PAICS: variants seen among roughly 807,000 people sequenced by gnomAD.
PAICS encodes phosphoribosylaminoimidazole carboxylase and phosphoribosylaminoimidazolesuccinocarboxamide synthase.
A neutral mutation model predicts 53.7 loss-of-function variants in PAICS; 33 were observed. The observed-to-expected ratio is 0.61, with a 90% confidence interval of 0.47 to 0.82. The LOEUF (loss-of-function observed/expected upper bound fraction) is 0.82. Among genes scored for constraint, PAICS ranks in the 40% least tolerant of loss-of-function variants. PAICS has a pLI of 0.00. For synonymous variants in PAICS, 141 were observed against 167.2 expected, an observed-to-expected ratio of 0.84 and a Z score of 1.21; for missense variants, 394 against 494.1, an observed-to-expected ratio of 0.80 and a Z score of 1.92.
chr4:56,446,870 C>T lies in PAICS; in HGVS notation c.390C>T (p.Phe130=). The T allele has an allele frequency of 6.3e-7, 1 of 1,590,932 alleles. No individual in the cohort carries two copies. The highest frequency in any genetic ancestry group is 1.3e-5 in the African/African-American group (1 of 74,420). ...KFYPPKVELF[F]KDDANNDPQW... is the part of the protein sequence containing the mutation. ...ACCCACCTAAAGTGGAGTTGTTTTT[C>T]AAGGTAATTATCTTATGCCTCTGTT... is the stretch of plus-strand genomic sequence containing the variant. Residue 130 remains phenylalanine, a synonymous_variant, in exon 3 of 9, where the codon TTC becomes TTT. Transcript: ENST00000512576.
At chr4:56,445,202 G>T (rs1718549305) in intron 2 of PAICS, among the ~76,000 whole-genome samples, 1 of 152,120 alleles carries the variant, frequency 6.6e-6, no homozygotes, top group Admixed American at 6.5e-5. Flanking sequence ...TGGACAGTGC[G>T]TTTCAAGTCC....
chr4:56,446,332 T>A (rs1560660001), intron 2 of PAICS: 1 of 717,626 alleles, frequency 1.4e-6, no homozygotes, highest in East Asian at 2.7e-5. Flanking sequence ...CCATTCTCTT[T>A]TCTGTCTGAA....
the PAICS span, chr4:56,419,762 A>G: frequency 1.0e-6 from 1 of 985,058 alleles, no homozygotes; most frequent in Non-Finnish European, 1.2e-6. Context: ...AACTAGAGGG[A>G]ACAGTGAGAA....
At chr4:56,458,994 G>GA (rs1367149667) in intron 8 of PAICS, among the ~76,000 whole-genome samples, 2 of 152,192 alleles carry the variant, frequency 1.3e-5, no homozygotes, top group Non-Finnish European at 2.9e-5. Flanking sequence ...GTTTGTCTAA[G>GA]AACAGGTACT....
upstream of PAICS, among the ~76,000 whole-genome samples, chr4:56,433,596 T>C (rs913858724): frequency 2.0e-5 from 3 of 151,818 alleles, no homozygotes; most frequent in African/African-American, 7.3e-5. Context: ...AAAGTAAATA[T>C]AGTGAAGTAC....
chr4:56,436,061 C>T (rs1435834344), upstream of PAICS: 1 of 1,501,448 alleles, frequency 6.7e-7, no homozygotes, highest in African/African-American at 1.4e-5. Flanking sequence ...GCGGGGCGGC[C>T]CGGAGGCGGG....
chr4:56,420,671 A>G, the PAICS span: 1 of 152,238 alleles, frequency 6.6e-6, no homozygotes, highest in African/African-American at 2.4e-5. Flanking sequence ...CAGAAGTTAA[A>G]GTAAATTTTC....
intron 2 of PAICS, among the ~76,000 whole-genome samples, chr4:56,443,668 A>G (rs1718449182): frequency 6.6e-6 from 1 of 152,100 alleles, no homozygotes; most frequent in Non-Finnish European, 1.5e-5. Flanking sequence ...CTGACTTTTT[A>G]TTTGCTTATT....
upstream of PAICS, chr4:56,435,485 C>A (rs1459849937): frequency 6.2e-7 from 1 of 1,613,302 alleles, no homozygotes. Context: ...CATGTCGCCG[C>A]CGAAAGCACG....
the PAICS span, among the ~76,000 whole-genome samples, chr4:56,429,175 G>C: frequency 6.6e-6 from 1 of 152,190 alleles, no homozygotes; most frequent in Admixed American, 6.5e-5. Flanking sequence ...ATAGCTCACT[G>C]AGTGAAAGTT....
chr4:56,428,441 G>C, the PAICS span, among the ~76,000 whole-genome samples: 2 of 152,072 alleles, frequency 1.3e-5, no homozygotes, highest in African/African-American at 4.8e-5. Context: ...AATGCAGTTT[G>C]GGATAGACAG....
chr4:56,442,017 A>C (rs1490921236), intron 2 of PAICS, 157 bp downstream of exon 2: 8 of 557,922 alleles, frequency 1.4e-5, no homozygotes. Context: ...CTTCACTATA[A>C]CACCTTATTT....
At chr4:56,413,070 T>C in the PAICS span, among the ~76,000 whole-genome samples, 1 of 152,228 alleles carries the variant, frequency 6.6e-6, no homozygotes, top group Admixed American at 6.5e-5. Context: ...TTTAGTATTA[T>C]TACTTTAAGA....
Position 56,453,460 on chromosome 4 carries a change from A to G in PAICS, c.953-143A>G, listed in dbSNP as rs1578158624. The stretch of plus-strand genomic sequence containing the variant: ...TTTTGAATATATGTGTAATAATAGT[A>G]TCTTTTATGTTTTTTCAGAGAAGAC... On this transcript the variant is annotated intron_variant, in intron 7 of 8. Transcript: ENST00000512576. 6 of 512,096 alleles carry G rather than the reference A, an allele frequency of 1.2e-5. No homozygotes were observed. The East Asian group carries it at 1.7e-4, about 15-fold the overall frequency. 31.7% of individuals were successfully genotyped at this position (512,096 alleles called of 1,614,324 possible).
At chr4:56,438,373 ATATAT>A (rs967681726) in intron 1 of PAICS, among the ~76,000 whole-genome samples, 9 of 56,778 alleles carry the variant, frequency 1.6e-4, no homozygotes, top group African/African-American at 8.7e-4. Flanking sequence ...CAATGTGTTT[ATATAT>A]ATATATATAT....
Position 56,459,604 on chromosome 4 carries a change from A to T in PAICS, c.*66A>T, listed in dbSNP as rs181202030. The T allele has an allele frequency of 2.1e-4, 251 of 1,196,676 alleles. No individual in the cohort carries two copies. In the African/African-American group the frequency reaches 3.1e-3, roughly 15 times the overall value. 74.1% of individuals were successfully genotyped at this position (1,196,676 alleles called of 1,614,324 possible). A position where few individuals can be genotyped will look rare whatever the true frequency, so the allele number is the denominator to read the frequency against. On this transcript the variant is annotated 3_prime_UTR_variant, in exon 9 of 9. Coordinates refer to ENST00000512576, the MANE Select transcript of PAICS (RefSeq NM_001079524.2). ...TTTCTAATTTAGCTGAAGGAAAATC[A>T]AGCAAGATGAAAAGGTAATTTTAAA...
the PAICS span, among the ~76,000 whole-genome samples, chr4:56,428,661 A>G: frequency 6.6e-6 from 1 of 152,284 alleles, no homozygotes; most frequent in African/African-American, 2.4e-5. Context: ...TCCTCTTTGC[A>G]TTTTCATTTA....
rs1486795844 is a variant in PAICS, at chr4:56,459,939, G to A, written c.*401G>A. 3.2e-5 allele frequency: 5 copies of A among 156,954 alleles called. No individual in the cohort carries two copies. The highest frequency in any genetic ancestry group is 1.2e-4 in the African/African-American group (5 of 40,588). The allele number at this position is 156,954 out of a possible 1,614,324, so 9.7% of individuals were successfully genotyped here. On this transcript the variant is annotated 3_prime_UTR_variant, in exon 9 of 9. Transcript: ENST00000512576. Reference sequence around the variant, plus strand: ...ACAGGGTCTCACTGTCGCCCAGGCTGGAGTGCAGTGGCGTGATCTCAGTTC... The same window carrying A: ...ACAGGGTCTCACTGTCGCCCAGGCTAGAGTGCAGTGGCGTGATCTCAGTTC...
the PAICS span, chr4:56,419,526 A>ACT: frequency 2.4e-5 from 7 of 289,452 alleles, no homozygotes; most frequent in African/African-American, 1.6e-4. Flanking sequence ...TATGGAGGAA[A>ACT]CTGCTTTCTT....
Sources: allele counts gnomAD v4.1 joint callset (sites outside exome capture counted in the v4.1 genomes callset), GRCh38; gene constraint gnomAD v4.1.1; transcripts MANE v1.5; gene names NCBI Gene and HGNC (gene_info 2026-07-23, HGNC 2026-07-21).